Variants in TTC7B observed in about 807,000 individuals in gnomAD.
TTC7B encodes the protein tetratricopeptide repeat domain 7B.
In TTC7B, 28 loss-of-function variants were observed where a neutral mutation model predicts 106.8. That is an observed-to-expected ratio of 0.26 (90% CI 0.19 to 0.36). TTC7B has a LOEUF of 0.36. TTC7B is among the 10% of genes least tolerant of loss of function. TTC7B has a pLI of 1.00. For synonymous variants in TTC7B, 405 were observed against 430.6 expected (o/e 0.94, Z 0.74); for missense variants, 862 against 1,076.4 (o/e 0.80, Z 2.79).
In TTC7B at chr14:90,715,341, G is replaced by A. The variant is rs183578561; in HGVS notation, c.698+14734C>T. On this transcript the variant is annotated intron_variant, in intron 5 of 19. Coordinates refer to ENST00000328459, the MANE Select transcript of TTC7B (RefSeq NM_001010854.2). ...CTCTAGTCGCTGTGTCTTTTTTTACGTGGATATAGGAGAAGACCCAGAACT... is the reference window on the plus strand; with the variant it reads ...CTCTAGTCGCTGTGTCTTTTTTTACATGGATATAGGAGAAGACCCAGAACT... 5.7e-4 allele frequency among the ~76,000 whole-genome samples: 86 copies of A among 152,152 alleles called. No individual in the cohort carries two copies. The East Asian group carries it at 0.016, about 28-fold the overall frequency.
At chr14:90,732,796 C>T (rs1218784340) in intron 4 of TTC7B, among the ~76,000 whole-genome samples, 4 of 152,156 alleles carry the variant, frequency 2.6e-5, no homozygotes, top group Admixed American at 2.6e-4. Context: ...AATAATTTTT[C>T]ATAATCCAAT....
rs188399587 is a variant in TTC7B, at chr14:90,787,664, T to G, written c.122-1336A>C. Reference sequence around the variant, plus strand: ...GGTAAGTCCACCAAAGGCCAAGAGCTAAAACAAAAGCCTTTTCCACATGTT... The same window carrying G: ...GGTAAGTCCACCAAAGGCCAAGAGCGAAAACAAAAGCCTTTTCCACATGTT... On this transcript the variant is annotated intron_variant, in intron 1 of 19. Transcript: ENST00000328459. 8.5e-5 allele frequency among the ~76,000 whole-genome samples: 13 copies of G among 152,324 alleles called. 1 individual carries two copies. The highest frequency in any genetic ancestry group is 3.4e-3 in the Middle Eastern group (1 of 294).
At chr14:90,701,796 G>GTATATATATATATATATATA (rs138397501) in intron 5 of TTC7B, among the ~76,000 whole-genome samples, 1 of 118,918 alleles carries the variant, frequency 8.4e-6, no homozygotes, top group African/African-American at 2.9e-5. Context: ...GTGTGTGTGT[G>GTATATATATATATATATATA]TATATATATA....
chr14:90,751,402 T>C (rs530283738), intron 3 of TTC7B, among the ~76,000 whole-genome samples: 1 of 152,212 alleles, frequency 6.6e-6, no homozygotes, highest in East Asian at 1.9e-4. Context: ...CACCTTTTAC[T>C]TTATTTTTAA....
At chr14:90,781,948 C>T (rs1182449928) in intron 2 of TTC7B, among the ~76,000 whole-genome samples, 1 of 152,244 alleles carries the variant, frequency 6.6e-6, no homozygotes, top group African/African-American at 2.4e-5. Context: ...ACAGATTTAT[C>T]TTCTGTGGCC....
intron 4 of TTC7B, among the ~76,000 whole-genome samples, chr14:90,730,595 G>A (rs1259813785): frequency 6.6e-6 from 1 of 152,198 alleles, no homozygotes; most frequent in Non-Finnish European, 1.5e-5. Flanking sequence ...TCACTCACAG[G>A]CAGACTGCAG....
intron 13 of TTC7B, among the ~76,000 whole-genome samples, chr14:90,652,607 T>C (rs1343292696): frequency 6.6e-6 from 1 of 152,128 alleles, no homozygotes; most frequent in Admixed American, 6.6e-5. Context: ...CTGAAATCAC[T>C]TTATTAGGAA....
intron 15 of TTC7B, among the ~76,000 whole-genome samples, chr14:90,639,430 A>G (rs934706677): frequency 6.6e-6 from 1 of 152,222 alleles, no homozygotes. Context: ...CAATAGACAA[A>G]TAAAAAGATG....
Position 90,657,127 on chromosome 14 carries a change from G to A in TTC7B, c.1341+47C>T. ...CGACATGAAAAAAATGGGCAGTCCT[G>A]GCCCAGAGTCCTCTGCAGGAGCGGG... On this transcript the variant is annotated intron_variant, in intron 11 of 19. Coordinates refer to ENST00000328459, the MANE Select transcript of TTC7B (RefSeq NM_001010854.2). The surrounding 1 kb of genome is among the most constrained non-coding windows in gnomAD (Gnocchi z 4.2). 1 of 1,529,688 alleles carries A rather than the reference G, an allele frequency of 6.5e-7. No individual in the cohort carries two copies. The highest frequency in any genetic ancestry group is 9.0e-7 in the Non-Finnish European group (1 of 1,107,790). The allele number at this position is 1,529,688 out of a possible 1,614,324, so 94.8% of individuals were successfully genotyped here. A position where few individuals can be genotyped will look rare whatever the true frequency, so the allele number is the denominator to read the frequency against.
In TTC7B at chr14:90,611,253, C is replaced by A. The variant is rs145199178; in HGVS notation, c.1869-414G>T. Among the ~76,000 whole-genome samples, 391 of 152,290 alleles carry A rather than the reference C, an allele frequency of 2.6e-3. 1 individual carries two copies. The highest frequency in any genetic ancestry group is 4.1e-3 in the East Asian group (21 of 5,182). ...TGTCTTCATGAACCAATGCTCCACA[C>A]CTGCGCTTCTAAAACCCAGGCTGCA... On this transcript the variant is annotated intron_variant, in intron 16 of 19. Transcript: ENST00000328459.
At chr14:90,627,975 G>A (rs1372936940) in intron 15 of TTC7B, among the ~76,000 whole-genome samples, 2 of 152,156 alleles carry the variant, frequency 1.3e-5, no homozygotes, top group African/African-American at 4.8e-5. Flanking sequence ...GTTCCTGTGA[G>A]TGACATTATA....
intron 4 of TTC7B, among the ~76,000 whole-genome samples, chr14:90,741,631 C>T (rs1768891132): frequency 6.6e-6 from 1 of 152,106 alleles, no homozygotes; most frequent in African/African-American, 2.4e-5. Flanking sequence ...CAACATAATT[C>T]TTACTGAGTT....
chr14:90,799,714 T>G (rs1455473735), intron 1 of TTC7B, among the ~76,000 whole-genome samples: 1 of 152,054 alleles, frequency 6.6e-6, no homozygotes, highest in African/African-American at 2.4e-5. Flanking sequence ...GGGGTGGAGA[T>G]AGACAGCGGG....
chr14:90,812,392 C>T (rs891312827), intron 1 of TTC7B, among the ~76,000 whole-genome samples: 1 of 152,214 alleles, frequency 6.6e-6, no homozygotes, highest in Non-Finnish European at 1.5e-5. Context: ...ATGTGCAGCT[C>T]TGTCTTTATC....
At chr14:90,684,189 G>C (rs1385325041) in intron 7 of TTC7B, among the ~76,000 whole-genome samples, 2 of 152,032 alleles carry the variant, frequency 1.3e-5, no homozygotes, top group Non-Finnish European at 2.9e-5. Context: ...TTCATCATCT[G>C]CTTCTTGGAA....
At chr14:90,584,796 T>C (rs1891648010) in intron 18 of TTC7B, among the ~76,000 whole-genome samples, 1 of 152,032 alleles carries the variant, frequency 6.6e-6, no homozygotes, top group South Asian at 2.1e-4. Flanking sequence ...TAAAGAGAGA[T>C]GCTGTGGAGG....
At chr14:90,589,214 T>C (rs1020533160) in intron 18 of TTC7B, among the ~76,000 whole-genome samples, 5 of 152,160 alleles carry the variant, frequency 3.3e-5, no homozygotes, top group Admixed American at 2.6e-4. Context: ...TACACACCCC[T>C]TCATCCATCA....
At chr14:90,774,978 A>T (rs1225912285) in intron 3 of TTC7B, among the ~76,000 whole-genome samples, 1 of 151,960 alleles carries the variant, frequency 6.6e-6, no homozygotes, top group African/African-American at 2.4e-5. Context: ...GGGAGGCAGA[A>T]GTTACAGTGA....
intron 18 of TTC7B, 87 bp downstream of exon 18, chr14:90,593,399 C>T: frequency 6.1e-6 from 9 of 1,467,596 alleles, no homozygotes; most frequent in Non-Finnish European, 8.1e-6. Context: ...CAGACAAGCG[C>T]CCAGGCTCTG....
Sources: allele counts gnomAD v4.1 joint callset (sites outside exome capture counted in the v4.1 genomes callset), GRCh38; gene constraint gnomAD v4.1.1; non-coding constraint Gnocchi (gnomAD v3.1); transcripts MANE v1.5; gene names NCBI Gene and HGNC (gene_info 2026-07-23, HGNC 2026-07-21).